Variants in AGBL1 observed in about 807,000 individuals in gnomAD.
The protein encoded by AGBL1 is AGBL carboxypeptidase 1, also known as cytosolic carboxypeptidase 4.
A neutral mutation model predicts 118.9 loss-of-function variants in AGBL1; 130 were observed. The observed-to-expected ratio is 1.09, with a 90% CI of 0.95 to 1.26. The LOEUF is 1.26. Among genes scored for constraint, AGBL1 ranks in the 50% most tolerant of loss-of-function variants. AGBL1 has a pLI of 0.00. For synonymous variants in AGBL1, 555 were observed against 478.9 expected, an observed-to-expected ratio of 1.16 and a Z score of -2.08; for missense variants, 1,584 against 1,298.1, an observed-to-expected ratio of 1.22 and a Z score of -3.38.
At chr15:86,290,389 C>T (rs1293494578) in intron 16 of AGBL1, among the ~76,000 whole-genome samples, 1 of 145,776 alleles carries the variant, frequency 6.9e-6, no homozygotes, top group Non-Finnish European at 1.5e-5. Context: ...CTCGCTCTGT[C>T]ACCCAGGATG....
chr15:86,527,900 C>T (rs1418042396), intron 19 of AGBL1, among the ~76,000 whole-genome samples: 3 of 152,122 alleles, frequency 2.0e-5, no homozygotes, highest in South Asian at 2.1e-4. Context: ...CTCCACTCAT[C>T]CATATATCTG....
intron 17 of AGBL1, among the ~76,000 whole-genome samples, chr15:86,364,643 G>A (rs897213462): frequency 3.3e-5 from 5 of 151,872 alleles, no homozygotes; most frequent in African/African-American, 1.2e-4. Flanking sequence ...TATTTACTTT[G>A]TAATATTGAT....
chr15:86,373,693 CAG>C (rs1195333273), intron 17 of AGBL1, among the ~76,000 whole-genome samples: 2 of 152,072 alleles, frequency 1.3e-5, no homozygotes, highest in Admixed American at 1.3e-4. Flanking sequence ...ACAAAGGTAA[CAG>C]AGGAAAAGCT....
intron 22 of AGBL1, among the ~76,000 whole-genome samples, chr15:86,790,364 A>G (rs959771462): frequency 6.6e-6 from 1 of 151,734 alleles, no homozygotes; most frequent in Non-Finnish European, 1.5e-5. Flanking sequence ...ACACACACAC[A>G]CACGCATGCA....
intron 22 of AGBL1, among the ~76,000 whole-genome samples, chr15:86,792,616 T>C (rs1259681227): frequency 6.6e-6 from 1 of 152,170 alleles, no homozygotes; most frequent in Middle Eastern, 3.2e-3. Flanking sequence ...TAGTTCTACC[T>C]GGCCTGCACC....
chr15:86,108,635 G>A (rs1477785191), intron 1 of AGBL1, among the ~76,000 whole-genome samples: 1 of 152,126 alleles, frequency 6.6e-6, no homozygotes, highest in Non-Finnish European at 1.5e-5. Flanking sequence ...GAGATGACTG[G>A]AAAATGCTCC....
At chr15:86,982,570 G>A (rs2081242177) in intron 23 of AGBL1, among the ~76,000 whole-genome samples, 1 of 152,064 alleles carries the variant, frequency 6.6e-6, no homozygotes, top group Non-Finnish European at 1.5e-5. Flanking sequence ...GCCTGCCTCT[G>A]TCATCCCTAA....
At chr15:86,384,980 G>C (rs2081162489) in intron 17 of AGBL1, among the ~76,000 whole-genome samples, 1 of 152,106 alleles carries the variant, frequency 6.6e-6, no homozygotes, top group East Asian at 1.9e-4. Context: ...TTACTATTCA[G>C]CGTGGTGAGG....
chr15:86,130,455 A>G (rs925575508), intron 1 of AGBL1, among the ~76,000 whole-genome samples: 1 of 152,160 alleles, frequency 6.6e-6, no homozygotes, highest in Non-Finnish European at 1.5e-5. Context: ...TAATTGAAAC[A>G]TGAGGAAAGC....
intron 18 of AGBL1, among the ~76,000 whole-genome samples, chr15:86,433,453 A>G (rs1174050610): frequency 1.3e-5 from 2 of 152,062 alleles, no homozygotes; most frequent in African/African-American, 4.8e-5. Context: ...TTTCTTGTGC[A>G]AGGAAGACTG....
intron 21 of AGBL1, among the ~76,000 whole-genome samples, chr15:86,566,688 C>A (rs1364181764): frequency 6.6e-6 from 1 of 152,144 alleles, no homozygotes; most frequent in African/African-American, 2.4e-5. Flanking sequence ...TCCTGAGCTG[C>A]AGAATTGCCT....
chr15:86,523,017 G>A (rs2083210983), intron 19 of AGBL1, 78 bp downstream of exon 19: 21 of 1,522,292 alleles, frequency 1.4e-5, no homozygotes, highest in Non-Finnish European at 1.8e-5. Context: ...TTCTGCCAAG[G>A]CAAGAATAGA....
At chr15:86,361,807 C>A (rs983958147) in intron 17 of AGBL1, among the ~76,000 whole-genome samples, 2 of 152,026 alleles carry the variant, frequency 1.3e-5, no homozygotes, top group African/African-American at 4.8e-5. Flanking sequence ...TCTTTTTCTA[C>A]CCCTTAACTT....
intron 1 of AGBL1, among the ~76,000 whole-genome samples, chr15:86,111,209 C>G (rs577640834): frequency 1.3e-5 from 2 of 152,342 alleles, no homozygotes; most frequent in Admixed American, 6.5e-5. Context: ...GACCTTCTCT[C>G]TTTACCTCTT....
chr15:86,572,650 A>G (rs112325509), intron 21 of AGBL1, among the ~76,000 whole-genome samples: 12,535 of 152,160 alleles, frequency 0.082, 663 homozygotes, highest in African/African-American at 0.16. Flanking sequence ...CAGTCACGCA[A>G]TGTTGGGGGC....
chr15:86,520,308 C>G (rs1490072236), intron 18 of AGBL1, among the ~76,000 whole-genome samples: 1 of 152,102 alleles, frequency 6.6e-6, no homozygotes, highest in Non-Finnish European at 1.5e-5. Context: ...TCTAAAATAG[C>G]TATTTCATTC....
chr15:86,158,692 C>T (rs778094599), intron 4 of AGBL1, among the ~76,000 whole-genome samples: 27 of 152,200 alleles, frequency 1.8e-4, no homozygotes, highest in Admixed American at 1.3e-3. Context: ...CTAGTTACTG[C>T]TGAGCAGGAA....
chr15:86,857,559 T>C (rs1247417952), intron 22 of AGBL1, among the ~76,000 whole-genome samples: 1 of 152,194 alleles, frequency 6.6e-6, no homozygotes, highest in African/African-American at 2.4e-5. Context: ...TTCCTTACTT[T>C]GAATCTCAAC....
At chr15:86,687,339 A>T (rs1039945473) in intron 22 of AGBL1, among the ~76,000 whole-genome samples, 7 of 152,058 alleles carry the variant, frequency 4.6e-5, no homozygotes, top group African/African-American at 9.7e-5. Flanking sequence ...GTAGCCAACA[A>T]CCAAGAAGAA....
Sources: gnomAD v4.1 joint callset for allele counts (sites outside exome capture counted in the v4.1 genomes callset) on GRCh38, gnomAD v4.1.1 for gene constraint, MANE v1.5 for transcripts, NCBI Gene and HGNC (gene_info 2026-07-23, HGNC 2026-07-21) for gene names.